The following SKP2 variants were observed in gnomAD, a reference collection of about 807,000 sequenced individuals.
SKP2 encodes S-phase kinase-associated protein 2.
SKP2 carries 16 observed loss-of-function variants against 51.8 expected under a neutral mutation model. The observed-to-expected ratio is 0.31, with a 90% confidence interval of 0.21 to 0.47. The LOEUF is 0.47. Among genes scored for constraint, SKP2 ranks in the 20% least tolerant of loss-of-function variants. SKP2 has a pLI of 1.00. For synonymous variants in SKP2, 176 were observed against 198.6 expected (o/e 0.89, Z 0.96); for missense variants, 377 against 505.3 (o/e 0.75, Z 2.43).
Position 36,183,687 on chromosome 5 carries a change from C to A in SKP2, c.*1656C>A, listed in dbSNP as rs1189495762. The A allele has an allele frequency of 6.4e-6, 8 of 1,245,072 alleles. No homozygotes were observed. Among genetic ancestry groups the A allele is most frequent in the Non-Finnish European group, 6.1e-6 (6 of 987,094 alleles). The allele number at this position is 1,245,072 out of a possible 1,614,324, so 77.1% of individuals were successfully genotyped here. ...TTATATTAACTTTTTTTTTTTAAAT[C>A]AAAAATTGTTAATGTTAGAAACATA... On this transcript the variant is annotated 3_prime_UTR_variant, in exon 10 of 10. Coordinates refer to ENST00000274255, the MANE Select transcript of SKP2 (RefSeq NM_005983.4).
downstream of SKP2, among the ~76,000 whole-genome samples, chr5:36,185,796 A>T (rs970908185): frequency 1.3e-5 from 2 of 152,182 alleles, no homozygotes; most frequent in Admixed American, 6.5e-5. Context: ...GAAAAAAGTC[A>T]TTGGTAGCTT....
At position 36,184,240 on chromosome 5, in the gene SKP2, AG is replaced by A; in HGVS notation, c.*2213del. 6.4e-6 allele frequency: 2 copies of A among 312,862 alleles called. No homozygotes were observed. The highest frequency in any genetic ancestry group is 6.2e-5 in the East Asian group (1 of 16,126). 19.4% of individuals were successfully genotyped at this position (312,862 alleles called of 1,614,324 possible). A position where few individuals can be genotyped will look rare whatever the true frequency, so the allele number is the denominator to read the frequency against. On this transcript the variant is annotated 3_prime_UTR_variant, in exon 10 of 10. Coordinates refer to ENST00000274255, the MANE Select transcript of SKP2 (RefSeq NM_005983.4). ...AAAAAGTTTATAATGCCTTTATAAAAGGGGCTAATACAGTCTTGTTATCTTT... is the reference window on the plus strand; with the variant it reads ...AAAAAGTTTATAATGCCTTTATAAAAGGGCTAATACAGTCTTGTTATCTTT...
At position 36,152,947 on chromosome 5, in the gene SKP2, C is replaced by A; in HGVS notation, c.185C>A (p.Pro62Gln). Residue 62 changes from proline (P) to glutamine (Q), a missense_variant, in exon 2 of 10, where the codon CCG becomes CAG. Pro to Gln is a moderately conservative substitution (Grantham distance 76, BLOSUM62 -1). Transcript: ENST00000274255. The stretch of plus-strand genomic sequence containing the variant: ...GAACTGCTCTCAAACCTGGGCCACC[C>A]GGAGAGCCCCCCACGGAAACGGCTG... ...PQELLSNLGHPESPPRKRLKS... is the reference protein window; with the variant it reads ...PQELLSNLGHQESPPRKRLKS... 1 of 1,614,084 alleles carries A rather than the reference C, an allele frequency of 6.2e-7. No individual in the cohort carries two copies. Among genetic ancestry groups the A allele is most frequent in the South Asian group, 1.1e-5 (1 of 91,070 alleles).
rs761047966 is a variant in SKP2 at position 36,152,959 on chromosome 5, C to T, written c.197C>T (p.Pro66Leu). The change falls in exon 2 of 10, where the codon CCA becomes CTA. Residue 66 changes from proline (P) to leucine (L), a missense_variant. Coordinates refer to ENST00000274255, the MANE Select transcript of SKP2 (RefSeq NM_005983.4). ...LSNLGHPESP[P>L]RKRLKSKGSD... ...AACCTGGGCCACCCGGAGAGCCCCC[C>T]ACGGAAACGGCTGAAGAGCAAAGGG... 4 of 1,614,140 alleles carry T rather than the reference C, an allele frequency of 2.5e-6. No individual in the cohort carries two copies. The highest frequency in any genetic ancestry group is 3.4e-6 in the Non-Finnish European group (4 of 1,180,010).
At chr5:36,174,818 TGA>T (rs1745580458) in intron 7 of SKP2, among the ~76,000 whole-genome samples, 1 of 151,958 alleles carries the variant, frequency 6.6e-6, no homozygotes, top group South Asian at 2.1e-4. Flanking sequence ...TATGCATATG[TGA>T]GAGAAGAACA....
chr5:36,177,313 A>G, intron 9 of SKP2, 21 bp downstream of exon 9: 2 of 1,402,798 alleles, frequency 1.4e-6, no homozygotes, highest in Non-Finnish European at 2.0e-6. Context: ...TTTGTTTTTA[A>G]TGCTTAATAG....
At chr5:36,184,759 C>G (rs1437185141), downstream of SKP2, among the ~76,000 whole-genome samples, 1 of 152,130 alleles carries the variant, frequency 6.6e-6, no homozygotes, top group Admixed American at 6.5e-5. Context: ...ATGATTTATA[C>G]TCCTTTGGGT....
chr5:36,157,772 G>A (rs1284187908), intron 2 of SKP2, among the ~76,000 whole-genome samples: 2 of 152,194 alleles, frequency 1.3e-5, no homozygotes, highest in Non-Finnish European at 2.9e-5. Context: ...TAAGTCAAAA[G>A]TTTGATTATG....
At chr5:36,185,343 G>A (rs1420313026), downstream of SKP2, among the ~76,000 whole-genome samples, 1 of 152,178 alleles carries the variant, frequency 6.6e-6, no homozygotes, top group African/African-American at 2.4e-5. Context: ...CCATGCCTAT[G>A]TCCTGAATGG....
At chr5:36,163,115 C>T (rs1422613631) in intron 2 of SKP2, among the ~76,000 whole-genome samples, 3 of 152,178 alleles carry the variant, frequency 2.0e-5, no homozygotes, top group African/African-American at 7.2e-5. Context: ...GGGACACAGC[C>T]AACCATAGCA....
In SKP2 at chr5:36,152,176, A is replaced by G; in HGVS notation, c.-87A>G. 1 of 1,449,438 alleles carries G rather than the reference A, an allele frequency of 6.9e-7. No homozygotes were observed. The highest frequency in any genetic ancestry group is 9.7e-7 in the Non-Finnish European group (1 of 1,031,952). The allele number at this position is 1,449,438 out of a possible 1,614,324, so 89.8% of individuals were successfully genotyped here. ...CTGGGGGCCCGAGCAGCACGCTCGG[A>G]GCCGCCGCGCGCCAAAGCGGGAATC... is the stretch of plus-strand genomic sequence containing the variant. On this transcript the variant is annotated 5_prime_UTR_variant, in exon 1 of 10. Transcript: ENST00000274255.
intron 2 of SKP2, 94 bp downstream of exon 2, chr5:36,153,136 C>T: frequency 8.0e-7 from 1 of 1,249,678 alleles, no homozygotes; most frequent in Non-Finnish European, 1.1e-6. Flanking sequence ...AGCATGGGTT[C>T]CTTTTAAGAT....
chr5:36,183,489 A>T lies in SKP2; in HGVS notation c.*1458A>T, dbSNP rs1260021045. 7 of 468,158 alleles carry T rather than the reference A, an allele frequency of 1.5e-5. No individual in the cohort carries two copies. The East Asian group carries it at 4.6e-4, about 31-fold the overall frequency. The allele number at this position is 468,158 out of a possible 1,614,324, so 29.0% of individuals were successfully genotyped here. A position where few individuals can be genotyped will look rare whatever the true frequency, so the allele number is the denominator to read the frequency against. On this transcript the variant is annotated 3_prime_UTR_variant, in exon 10 of 10. Coordinates refer to ENST00000274255, the MANE Select transcript of SKP2 (RefSeq NM_005983.4). The stretch of plus-strand genomic sequence containing the variant: ...TCACCATGTTAGCCAGGATGGTCTC[A>T]ATCTCCTGACCTCATGATCCGCCCG...
At chr5:36,180,141 TAC>T (rs970741275) in intron 9 of SKP2, 2 of 526,024 alleles carry the variant, frequency 3.8e-6, no homozygotes, top group African/African-American at 3.9e-5. Context: ...TTACTCCACC[TAC>T]AGTTTCTTCC....
Position 36,190,594 on chromosome 5 carries a change from T to C in SKP2, c.633-2027T>C, listed in dbSNP as rs78657582. Among the ~76,000 whole-genome samples, 1,836 of 148,440 alleles carry C rather than the reference T, an allele frequency of 0.012. 149 individuals are homozygous for C. In the East Asian group the frequency reaches 0.22, roughly 17 times the overall value. ...CTTTTGGACCCTTCCATTCGAATGG[T>C]AGAATGGTGATTCTTGAATATCACC... On this transcript the variant is annotated intron_variant, in intron 6 of 7. Transcript: ENST00000677886.
In SKP2 at chr5:36,182,025, T is replaced by C; in HGVS notation, c.1269T>C (p.Cys423=). The C allele has an allele frequency of 6.2e-7, 1 of 1,614,048 alleles. No individual in the cohort carries two copies. The highest frequency in any genetic ancestry group is 8.5e-7 in the Non-Finnish European group (1 of 1,179,954). Residue 423 remains cysteine, a synonymous_variant, in exon 10 of 10, where the codon TGT becomes TGC. Transcript: ENST00000274255. Reference sequence around the variant, plus strand: ...GACTGACACTGCAAAAGCCCAGTTGTCTATGAAGTATTTATTGCAGGATGG... The same window carrying C: ...GACTGACACTGCAAAAGCCCAGTTGCCTATGAAGTATTTATTGCAGGATGG... ...KCRLTLQKPS[C]L
rs926472915 is a variant in SKP2, at chr5:36,184,068, CTTTT to C, written c.*2041_*2044del. The C allele has an allele frequency of 2.1e-6, 2 of 949,898 alleles. No homozygotes were observed. Among genetic ancestry groups the C allele is most frequent in the Non-Finnish European group, 3.1e-6 (2 of 636,664 alleles). The allele number at this position is 949,898 out of a possible 1,614,324, so 58.8% of individuals were successfully genotyped here. A position where few individuals can be genotyped will look rare whatever the true frequency, so the allele number is the denominator to read the frequency against. ...TAAGTTGTATTCCTTTTTTCTTTCT[CTTTT>C]TTTAAGTGCTGTGGTTAAAATTTGA... On this transcript the variant is annotated 3_prime_UTR_variant, in exon 10 of 10. Coordinates refer to ENST00000274255, the MANE Select transcript of SKP2 (RefSeq NM_005983.4).
intron 5 of SKP2, 104 bp from the exon 6 acceptor site, chr5:36,170,240 C>CA (rs926413517): frequency 3.2e-6 from 2 of 626,042 alleles, no homozygotes; most frequent in Non-Finnish European, 2.9e-6. Flanking sequence ...CTCACTGACT[C>CA]AAAGACCTGT....
In SKP2 at chr5:36,183,768, C is replaced by T; in HGVS notation, c.*1737C>T. ...AGGAAGATTTTAAAGTTGGGTTGCA[C>T]AGGAAATGATGATGCTTCAATTTCT... is the stretch of plus-strand genomic sequence containing the variant. On this transcript the variant is annotated 3_prime_UTR_variant, in exon 10 of 10. Coordinates refer to ENST00000274255, the MANE Select transcript of SKP2 (RefSeq NM_005983.4). The T allele has an allele frequency of 2.1e-6, 3 of 1,462,164 alleles. No homozygotes were observed. The highest frequency in any genetic ancestry group is 2.7e-6 in the Non-Finnish European group (3 of 1,109,770). The allele number at this position is 1,462,164 out of a possible 1,614,324, so 90.6% of individuals were successfully genotyped here.
Sources: gnomAD v4.1 joint callset for allele counts (sites outside exome capture counted in the v4.1 genomes callset) on GRCh38, gnomAD v4.1.1 for gene constraint, MANE v1.5 for transcripts, NCBI Gene and HGNC (gene_info 2026-07-23, HGNC 2026-07-21) for gene names.